SCUBE1: variants seen among roughly 807,000 people sequenced by gnomAD.
The protein encoded by SCUBE1 is signal peptide, CUB domain and EGF like domain containing 1, also known as signal peptide, CUB and EGF-like domain-containing protein 1.
A neutral mutation model predicts 124.4 loss-of-function variants in SCUBE1; 59 were observed. The ratio of observed to expected loss-of-function variants is 0.47; its 90% CI spans 0.38 to 0.59. SCUBE1 has a LOEUF of 0.59. Ranked by LOEUF, SCUBE1 falls within the 20% of genes least tolerant of loss-of-function variation. The probability of loss-of-function intolerance (pLI) is 0.00; values close to 1 mark genes in which losing one functional copy is unlikely to be tolerated. For synonymous variants in SCUBE1, 545 were observed against 550.9 expected, an observed-to-expected ratio of 0.99 and a Z score of 0.15; for missense variants, 1,150 against 1,371.2, an observed-to-expected ratio of 0.84 and a Z score of 2.55.
At chr22:43,264,056 G>A (rs1247520997) in intron 4 of SCUBE1, among the ~76,000 whole-genome samples, 5 of 152,202 alleles carry the variant, frequency 3.3e-5, no homozygotes, top group East Asian at 1.9e-4. Context: ...ACCAATTTAC[G>A]TGGGATAAAT....
chr22:43,225,698 G>A (rs144429991), intron 10 of SCUBE1, among the ~76,000 whole-genome samples: 5 of 151,790 alleles, frequency 3.3e-5, no homozygotes, highest in East Asian at 3.9e-4. Context: ...CACCGTGCCC[G>A]GCCAAATGTT....
Position 43,319,984 on chromosome 22 carries a change from G to A in SCUBE1, c.302C>T (p.Thr101Ile). Residue 101 changes from threonine to isoleucine, a missense_variant, in exon 3 of 22, where the codon ACC becomes ATC. This residue lies in a region of SCUBE1 where 337 missense variants were observed against 482.1 expected (regional missense o/e 0.70). Coordinates refer to ENST00000360835, the MANE Select transcript of SCUBE1 (RefSeq NM_173050.5). ...CINIPGNYRC[T>I]CFDGFMLAHD... ...TGCCAGCATGAAGCCATCAAAGCAG[G>A]TACACCTGTAGTTCCCCGGGATGTT... 1.2e-6 allele frequency: 2 copies of A among 1,614,122 alleles called. No homozygotes were observed. Among genetic ancestry groups the A allele is most frequent in the Non-Finnish European group, 8.5e-7 (1 of 1,180,012 alleles).
chr22:43,256,601 T>G (rs1218362612), intron 6 of SCUBE1, among the ~76,000 whole-genome samples: 2 of 152,310 alleles, frequency 1.3e-5, no homozygotes, highest in East Asian at 3.9e-4. Flanking sequence ...AGCCTTCACA[T>G]GCAGTAGACA....
chr22:43,339,969 C>G (rs574668093), intron 1 of SCUBE1, among the ~76,000 whole-genome samples: 15 of 75,022 alleles, frequency 2.0e-4, no homozygotes, highest in African/African-American at 6.0e-4. Flanking sequence ...TTCTACCCCC[C>G]CCAAAGCATA....
rs139885839 is a variant in SCUBE1 at position 43,238,857 on chromosome 22, C to T, written c.825G>A (p.Pro275=). 647 of 1,613,086 alleles carry T rather than the reference C, an allele frequency of 4.0e-4. 5 individuals are homozygous for T. The South Asian group carries it at 4.3e-3, about 11-fold the overall frequency. ...CSCPVGFTLQ[P]DGKTCKDINE... The stretch of plus-strand genomic sequence containing the variant: ...GCTGACCTTTGCATGTCTTCCCGTC[C>T]GGCTGCAGTGTGAATCCAACGGGGC... Residue 275 remains proline, a synonymous_variant, in exon 7 of 22, where the codon CCG becomes CCA. Coordinates refer to ENST00000360835, the MANE Select transcript of SCUBE1 (RefSeq NM_173050.5).
At chr22:43,252,362 C>T (rs1478726927) in intron 6 of SCUBE1, among the ~76,000 whole-genome samples, 3 of 152,206 alleles carry the variant, frequency 2.0e-5, no homozygotes, top group Admixed American at 6.5e-5. Flanking sequence ...CCGCAGTGTC[C>T]TCCCCTCCGT....
chr22:43,265,614 C>T (rs1382853282), intron 4 of SCUBE1, among the ~76,000 whole-genome samples: 1 of 152,194 alleles, frequency 6.6e-6, no homozygotes, highest in African/African-American at 2.4e-5. Flanking sequence ...GGCTCTGCAA[C>T]GGAGAGCAAG....
In SCUBE1 at chr22:43,210,933, G is replaced by A; in HGVS notation, c.2372C>T (p.Thr791Ile). The change falls in exon 18 of 22, where the codon ACA becomes ATA. Residue 791 changes from threonine (T) to isoleucine (I), a missense_variant. Transcript: ENST00000360835. This position sits in a 1 kb window ranked among gnomAD's most constrained non-coding sequence, Gnocchi z 4.5. ...STDFDGSTNV[T>I]HCKNQHCGGE... ...GCAGCAGCACCCACTTTTGCAGTGT[G>A]TGACGTTGGTGGAGCCATCGAAGTC... The A allele has an allele frequency of 6.2e-7, 1 of 1,614,078 alleles. No homozygotes were observed.
chr22:43,268,557 G>C (rs1211621799), intron 4 of SCUBE1, among the ~76,000 whole-genome samples: 1 of 152,256 alleles, frequency 6.6e-6, no homozygotes, highest in Non-Finnish European at 1.5e-5. Flanking sequence ...AGCAAGGAGA[G>C]GACAGATGCT....
intron 4 of SCUBE1, chr22:43,272,394 G>T (rs573845220): frequency 1.3e-5 from 2 of 152,260 alleles, no homozygotes; most frequent in South Asian, 4.2e-4. Context: ...AGTCGTCCTG[G>T]GTGTGCACAG....
In SCUBE1 at chr22:43,291,056, G is replaced by A; in HGVS notation, c.474C>T (p.His158=). The change falls in exon 4 of 22, where the codon CAC becomes CAT. Residue 158 remains histidine, a synonymous_variant. Transcript: ENST00000360835. ...FLSDNQHTCI[H]RSNEGMNCMN... is the part of the protein sequence containing the mutation. ...ATAGGCTGTACTCACCATTGGAGCG[G>A]TGGATGCAGGTATGCTGGTTGTCAC... 1.9e-6 allele frequency: 3 copies of A among 1,609,342 alleles called. No homozygotes were observed. Among genetic ancestry groups the A allele is most frequent in the Non-Finnish European group, 2.5e-6 (3 of 1,177,146 alleles).
In SCUBE1 at chr22:43,238,353, C is replaced by T. The variant is rs1922853901; in HGVS notation, c.844+485G>A. 4 of 252,918 alleles carry T rather than the reference C, an allele frequency of 1.6e-5. No individual in the cohort carries two copies. The East Asian group carries it at 3.5e-4, about 22-fold the overall frequency. The allele number at this position is 252,918 out of a possible 1,614,324, so 15.7% of individuals were successfully genotyped here. Reference sequence around the variant, plus strand: ...GCCCCCCTAGTAGTGACACACTGTCCTTATTTTTCCTGGCATGAGTAGACC... The same window carrying T: ...GCCCCCCTAGTAGTGACACACTGTCTTTATTTTTCCTGGCATGAGTAGACC... On this transcript the variant is annotated intron_variant, in intron 7 of 21. Coordinates refer to ENST00000360835, the MANE Select transcript of SCUBE1 (RefSeq NM_173050.5).
At chr22:43,236,233 G>C (rs1256705317) in intron 7 of SCUBE1, among the ~76,000 whole-genome samples, 1 of 152,196 alleles carries the variant, frequency 6.6e-6, no homozygotes, top group African/African-American at 2.4e-5. Context: ...TCTCCAGCCA[G>C]GGCTGGGAAC....
intron 3 of SCUBE1, among the ~76,000 whole-genome samples, chr22:43,303,504 C>T (rs1925851831): frequency 6.6e-6 from 1 of 152,250 alleles, no homozygotes; most frequent in African/African-American, 2.4e-5. Context: ...TCAGAGCTGA[C>T]ATACCGGAGA....
chr22:43,208,237 C>T lies in SCUBE1; in HGVS notation c.2582-13G>A. 1 of 1,613,708 alleles carries T rather than the reference C, an allele frequency of 6.2e-7. No homozygotes were observed. On this transcript the variant is annotated splice_polypyrimidine_tract_variant and intron_variant, in intron 19 of 21. Coordinates refer to ENST00000360835, the MANE Select transcript of SCUBE1 (RefSeq NM_173050.5). ...GACGTGGGAGAGGCTGCGGGTGAAG[C>T]ATCATTGCTGAGCTGCCACAGGTAG... is the stretch of plus-strand genomic sequence containing the variant.
Position 43,201,303 on chromosome 22 carries a change from C to CAAAAAAAAAAAAAAAAAA in SCUBE1, c.*2676_*2693dup. ...TGGGTGACAGAGCGAGACTCCATCT[C>CAAAAAAAAAAAAAAAAAA]AAAAAAAAAAAAAAAAAAAAAAAAG... is the stretch of plus-strand genomic sequence containing the variant. On this transcript the variant is annotated 3_prime_UTR_variant, in exon 22 of 22. Coordinates refer to ENST00000360835, the MANE Select transcript of SCUBE1 (RefSeq NM_173050.5). 2 of 43,984 alleles carry CAAAAAAAAAAAAAAAAAA rather than the reference C, an allele frequency of 4.5e-5. No homozygotes were observed. Among genetic ancestry groups the CAAAAAAAAAAAAAAAAAA allele is most frequent in the Non-Finnish European group, 8.3e-5 (2 of 24,190 alleles). 2.7% of individuals were successfully genotyped at this position (43,984 alleles called of 1,614,324 possible).
At chr22:43,224,752 G>C (rs1922236527) in intron 10 of SCUBE1, among the ~76,000 whole-genome samples, 1 of 152,128 alleles carries the variant, frequency 6.6e-6, no homozygotes, top group South Asian at 2.1e-4. Flanking sequence ...TCCAGCCTGT[G>C]TCTGGTTGGG....
rs1453842213 is a variant in SCUBE1 at position 43,201,642 on chromosome 22, G to A, written c.*2355C>T. On this transcript the variant is annotated 3_prime_UTR_variant, in exon 22 of 22. Coordinates refer to ENST00000360835, the MANE Select transcript of SCUBE1 (RefSeq NM_173050.5). ...GCTGGGACTCACAGGGTGGCCCCTG[G>A]CTTCTCGGGCTTTGGACTCAGACTG... 6.6e-6 allele frequency: 1 copy of A among 152,184 alleles called. No homozygotes were observed. The highest frequency in any genetic ancestry group is 1.5e-5 in the Non-Finnish European group (1 of 68,056). The allele number at this position is 152,184 out of a possible 1,614,324, so 9.4% of individuals were successfully genotyped here. A position where few individuals can be genotyped will look rare whatever the true frequency, so the allele number is the denominator to read the frequency against.
chr22:43,297,622 G>T (rs1041421724), intron 3 of SCUBE1, among the ~76,000 whole-genome samples: 2 of 152,234 alleles, frequency 1.3e-5, no homozygotes, highest in African/African-American at 4.8e-5. Flanking sequence ...CAGGCCATAG[G>T]TTGACCCGCT....
Sources: allele counts gnomAD v4.1 joint callset (sites outside exome capture counted in the v4.1 genomes callset), GRCh38; gene constraint gnomAD v4.1.1; regional missense constraint gnomAD v4.1.1; non-coding constraint Gnocchi (gnomAD v3.1); transcripts MANE v1.5; gene names NCBI Gene and HGNC (gene_info 2026-07-23, HGNC 2026-07-21).